Variants in GMDS observed in about 807,000 individuals in gnomAD.
GMDS encodes the protein GDP-mannose 4,6-dehydratase, also known as GDP-mannose 4,6 dehydratase.
Under a neutral mutation model 49.9 loss-of-function variants are expected in GMDS, and 20 were observed. The ratio of observed to expected loss-of-function variants is 0.40; its 90% CI spans 0.28 to 0.58. GMDS has a LOEUF of 0.58. GMDS is among the 20% of genes least tolerant of loss of function. The pLI, the probability that GMDS is intolerant of heterozygous loss-of-function variation, is 0.42. For synonymous variants in GMDS, 177 were observed against 178.6 expected, an observed-to-expected ratio of 0.99 and a Z score of 0.07; for missense variants, 362 against 481.4, an observed-to-expected ratio of 0.75 and a Z score of 2.32.
intron 7 of GMDS, among the ~76,000 whole-genome samples, chr6:1,788,672 A>G (rs551745084): frequency 3.3e-5 from 5 of 152,338 alleles, no homozygotes; most frequent in African/African-American, 1.2e-4. Context: ...TCATTAAGAA[A>G]TATCCAAGTT....
chr6:1,887,124 G>T (rs1371082844), intron 7 of GMDS, among the ~76,000 whole-genome samples: 2 of 152,098 alleles, frequency 1.3e-5, no homozygotes, highest in East Asian at 3.8e-4. Context: ...CTGTTGTAGG[G>T]CCCTGTTCTT....
chr6:1,859,492 C>T (rs1758088079), intron 7 of GMDS, among the ~76,000 whole-genome samples: 1 of 152,150 alleles, frequency 6.6e-6, no homozygotes. Flanking sequence ...TGAAATGAAT[C>T]CAATTACCTT....
chr6:1,636,247 G>A (rs1288064222), intron 9 of GMDS, among the ~76,000 whole-genome samples: 1 of 152,186 alleles, frequency 6.6e-6, no homozygotes, highest in Non-Finnish European at 1.5e-5. Context: ...GGCCTAGAGT[G>A]TGGGATAGTT....
chr6:1,773,148 C>T (rs1228044490), intron 7 of GMDS, among the ~76,000 whole-genome samples: 1 of 150,304 alleles, frequency 6.7e-6, no homozygotes, highest in African/African-American at 2.4e-5. Flanking sequence ...ATGGCCTTTA[C>T]ATTTTATATG....
chr6:2,120,715 G>A (rs1361385312), intron 2 of GMDS, among the ~76,000 whole-genome samples: 2 of 152,150 alleles, frequency 1.3e-5, no homozygotes, highest in East Asian at 3.9e-4. Flanking sequence ...AGTGGTGCTG[G>A]AAACACACTT....
intron 4 of GMDS, among the ~76,000 whole-genome samples, chr6:2,062,566 C>T (rs1771249350): frequency 6.6e-6 from 1 of 152,046 alleles, no homozygotes; most frequent in African/African-American, 2.4e-5. Context: ...TGTATATATA[C>T]ATAAACTGTA....
intron 7 of GMDS, among the ~76,000 whole-genome samples, chr6:1,881,744 TA>T (rs970170935): frequency 6.6e-6 from 1 of 152,168 alleles, no homozygotes; most frequent in Non-Finnish European, 1.5e-5. Flanking sequence ...TGACTGGAAA[TA>T]ACAAGATTCG....
intron 4 of GMDS, among the ~76,000 whole-genome samples, chr6:2,005,448 C>A (rs7751738): frequency 0.68 from 102,722 of 151,986 alleles, 35,012 homozygotes; most frequent in Middle Eastern, 0.72. Context: ...ATGGACAGAG[C>A]CTGGAGTTGC....
chr6:2,001,228 T>C (rs1243752375), intron 4 of GMDS, among the ~76,000 whole-genome samples: 1 of 152,230 alleles, frequency 6.6e-6, no homozygotes, highest in African/African-American at 2.4e-5. Context: ...TGATTTGCAT[T>C]TCCCTAATGA....
At chr6:1,634,548 C>T (rs1763085682) in intron 9 of GMDS, among the ~76,000 whole-genome samples, 2 of 152,184 alleles carry the variant, frequency 1.3e-5, no homozygotes, top group South Asian at 4.1e-4. Flanking sequence ...TGTCCATGTG[C>T]ACTATGTAAA....
At chr6:1,634,849 G>A (rs1392581684) in intron 9 of GMDS, among the ~76,000 whole-genome samples, 5 of 152,170 alleles carry the variant, frequency 3.3e-5, no homozygotes, top group African/African-American at 9.7e-5. Flanking sequence ...ACGGAAAGGC[G>A]TGGGTGAACT....
chr6:1,675,777 C>T (rs1283877671), intron 9 of GMDS, among the ~76,000 whole-genome samples: 6 of 150,886 alleles, frequency 4.0e-5, no homozygotes, highest in Non-Finnish European at 7.4e-5. Flanking sequence ...GGCGTGAACT[C>T]GGGAGGTGGA....
intron 4 of GMDS, among the ~76,000 whole-genome samples, chr6:2,091,130 C>T (rs1298441278): frequency 3.3e-5 from 5 of 152,128 alleles, no homozygotes; most frequent in Admixed American, 6.5e-5. Flanking sequence ...TTTTAAAGTA[C>T]GCTGATAGAA....
chr6:2,067,332 C>T (rs1429420831), intron 4 of GMDS, among the ~76,000 whole-genome samples: 2 of 150,564 alleles, frequency 1.3e-5, no homozygotes, highest in Non-Finnish European at 3.0e-5. Flanking sequence ...AAAATTGACA[C>T]CCTAACATCA....
At chr6:1,832,309 G>A (rs913741862) in intron 7 of GMDS, among the ~76,000 whole-genome samples, 8 of 151,690 alleles carry the variant, frequency 5.3e-5, no homozygotes, top group Non-Finnish European at 1.0e-4. Context: ...GAAGCTCCTC[G>A]AACCCACCAG....
chr6:1,876,207 G>A (rs952966564), intron 7 of GMDS, among the ~76,000 whole-genome samples: 29 of 151,570 alleles, frequency 1.9e-4, no homozygotes, highest in East Asian at 5.8e-4. Flanking sequence ...GCAGTGAGCC[G>A]AGATCGCACC....
At chr6:1,698,714 G>A (rs753207509) in intron 9 of GMDS, among the ~76,000 whole-genome samples, 4 of 151,862 alleles carry the variant, frequency 2.6e-5, no homozygotes, top group Non-Finnish European at 5.9e-5. Flanking sequence ...CAGTGCCCAC[G>A]TGTGCGCGAC....
chr6:2,061,117 G>A (rs758652140), intron 4 of GMDS, among the ~76,000 whole-genome samples: 6 of 152,160 alleles, frequency 3.9e-5, no homozygotes, highest in Non-Finnish European at 8.8e-5. Flanking sequence ...CACGGTTGCT[G>A]TGTCCTGGGT....
intron 6 of GMDS, among the ~76,000 whole-genome samples, chr6:1,938,029 A>T (rs1313447979): frequency 6.6e-6 from 1 of 152,128 alleles, no homozygotes; most frequent in Non-Finnish European, 1.5e-5. Flanking sequence ...AAAAAGGGGG[A>T]TACTTGAAAT....
Sources: gnomAD v4.1 joint callset for allele counts (sites outside exome capture counted in the v4.1 genomes callset) on GRCh38, gnomAD v4.1.1 for gene constraint, MANE v1.5 for transcripts, NCBI Gene and HGNC (gene_info 2026-07-23, HGNC 2026-07-21) for gene names.